The following STK3 variants were observed in gnomAD, a reference collection of about 807,000 sequenced individuals.
STK3 encodes the protein serine/threonine-protein kinase 3.
In STK3, 41 loss-of-function variants were observed where a neutral mutation model predicts 58.0. The observed-to-expected ratio is 0.71, with a 90% CI of 0.55 to 0.92. STK3 has a LOEUF of 0.92. Ranked by LOEUF, STK3 falls within the 40% of genes least tolerant of loss-of-function variation. STK3 has a pLI of 0.00. For missense variants in STK3, 479 were observed against 602.7 expected, an observed-to-expected ratio of 0.79 and a Z score of 2.15; for synonymous variants, 170 against 191.0, an observed-to-expected ratio of 0.89 and a Z score of 0.91.
chr8:98,542,182 C>T (rs538784322), intron 9 of STK3, among the ~76,000 whole-genome samples: 1 of 152,106 alleles, frequency 6.6e-6, no homozygotes, highest in South Asian at 2.1e-4. Context: ...ACAGCTATAA[C>T]CTGAGAAATT....
intron 6 of STK3, among the ~76,000 whole-genome samples, chr8:98,700,085 C>G (rs1057448654): frequency 6.6e-6 from 1 of 152,234 alleles, no homozygotes. Flanking sequence ...GCCCCTCCCC[C>G]AGCCTCGCTG....
intron 8 of STK3, among the ~76,000 whole-genome samples, chr8:98,552,230 CCTA>C (rs914605634): frequency 6.6e-6 from 1 of 152,100 alleles, no homozygotes; most frequent in African/African-American, 2.4e-5. Flanking sequence ...ATGAAAATAG[CCTA>C]CTGACTGTTC....
intron 3 of STK3, among the ~76,000 whole-genome samples, chr8:98,407,824 C>A (rs147035128): frequency 7.4e-4 from 113 of 152,020 alleles, no homozygotes; most frequent in Non-Finnish European, 1.4e-3. Flanking sequence ...GAGGGAAAAG[C>A]TTTATGCTGT....
intron 7 of STK3, among the ~76,000 whole-genome samples, chr8:98,581,933 C>T (rs560533393): frequency 4.6e-5 from 7 of 152,128 alleles, no homozygotes; most frequent in South Asian, 4.1e-4. Flanking sequence ...ATCTGTCCAG[C>T]GGCAGAAATG....
chr8:98,609,699 G>A (rs547299071), intron 6 of STK3, among the ~76,000 whole-genome samples: 2 of 152,230 alleles, frequency 1.3e-5, no homozygotes, highest in South Asian at 4.1e-4. Context: ...TGGTGGTTCC[G>A]CCTGTAATCC....
chr8:98,652,160 C>G (rs931439774), intron 6 of STK3, among the ~76,000 whole-genome samples: 3 of 152,312 alleles, frequency 2.0e-5, no homozygotes, highest in East Asian at 3.9e-4. Context: ...AGCCAGAAGA[C>G]AGTGGGGGCC....
At chr8:98,754,684 A>G (rs969070883) in intron 3 of STK3, among the ~76,000 whole-genome samples, 30 of 152,040 alleles carry the variant, frequency 2.0e-4, no homozygotes, top group African/African-American at 6.8e-4. Flanking sequence ...TAATTTTTGT[A>G]GTTTTGGTAG....
chr8:98,427,250 C>A (rs1259288025), intron 3 of STK3: 1 of 151,304 alleles, frequency 6.6e-6, no homozygotes, highest in African/African-American at 2.4e-5. Context: ...CGCCAGCAGG[C>A]AGCGGCCACC....
At chr8:98,522,277 A>C (rs986270774) in intron 10 of STK3, among the ~76,000 whole-genome samples, 1 of 152,184 alleles carries the variant, frequency 6.6e-6, no homozygotes, top group Non-Finnish European at 1.5e-5. Context: ...CAAAATCATT[A>C]ATGAACTCTG....
chr8:98,609,494 T>C (rs1025580522), intron 6 of STK3, among the ~76,000 whole-genome samples: 2 of 152,200 alleles, frequency 1.3e-5, no homozygotes, highest in African/African-American at 4.8e-5. Context: ...AACATTTACA[T>C]ATAAAAAGAA....
At chr8:98,587,361 T>C (rs1814728931) in intron 7 of STK3, among the ~76,000 whole-genome samples, 1 of 152,070 alleles carries the variant, frequency 6.6e-6, no homozygotes, top group East Asian at 1.9e-4. Flanking sequence ...ATGTACCCAG[T>C]AGTCATTCAG....
At chr8:98,835,296 A>G (rs935913379) in intron 3 of STK3, among the ~76,000 whole-genome samples, 2 of 152,180 alleles carry the variant, frequency 1.3e-5, no homozygotes, top group African/African-American at 4.8e-5. Flanking sequence ...AAATAGAGCT[A>G]GGTCCTTTAA....
At chr8:98,650,414 C>T (rs547614490) in intron 6 of STK3, among the ~76,000 whole-genome samples, 1 of 152,362 alleles carries the variant, frequency 6.6e-6, no homozygotes, top group African/African-American at 2.4e-5. Flanking sequence ...GTGAGCGACA[C>T]AGAAGATGGG....
chr8:98,728,014 T>C (rs933693203), intron 4 of STK3, among the ~76,000 whole-genome samples: 1 of 152,222 alleles, frequency 6.6e-6, no homozygotes, highest in African/African-American at 2.4e-5. Context: ...TAAGATTTTA[T>C]CTGATCATTC....
chr8:98,695,643 G>T (rs944462932), intron 6 of STK3, among the ~76,000 whole-genome samples: 3 of 152,146 alleles, frequency 2.0e-5, no homozygotes, highest in Non-Finnish European at 4.4e-5. Flanking sequence ...GTTTCTCAAA[G>T]ATCAGATAGT....
intron 4 of STK3, among the ~76,000 whole-genome samples, chr8:98,712,231 G>A (rs1826527349): frequency 6.6e-6 from 1 of 152,112 alleles, no homozygotes; most frequent in Non-Finnish European, 1.5e-5. Context: ...CAACTAACGA[G>A]CAAAATAACC....
chr8:98,783,278 G>GA lies in STK3; in HGVS notation c.27-8460dup, dbSNP rs543675661. 5.2e-4 allele frequency among the ~76,000 whole-genome samples: 79 copies of GA among 152,194 alleles called. 1 individual carries two copies. The East Asian group carries it at 0.014, about 27-fold the overall frequency. ...TTATGTGTACAATAGCATTATGTCTGAAAAAACAACGTACATACCTTAATA... is the reference window on the plus strand; with the variant it reads ...TTATGTGTACAATAGCATTATGTCTGAAAAAAACAACGTACATACCTTAATA... On this transcript the variant is annotated intron_variant, in intron 1 of 10. Coordinates refer to ENST00000419617, the MANE Select transcript of STK3 (RefSeq NM_006281.4).
chr8:98,821,608 GC>G (rs1157958885), intron 1 of STK3, among the ~76,000 whole-genome samples: 1 of 150,154 alleles, frequency 6.7e-6, no homozygotes, highest in African/African-American at 2.5e-5. Context: ...GCTGCAGTGA[GC>G]CATGATTGTG....
intron 9 of STK3, among the ~76,000 whole-genome samples, chr8:98,546,830 A>G (rs893711300): frequency 6.6e-6 from 1 of 152,174 alleles, no homozygotes; most frequent in African/African-American, 2.4e-5. Flanking sequence ...GGATTATGGC[A>G]ATATAGCAAT....
Sources: allele counts gnomAD v4.1 joint callset (sites outside exome capture counted in the v4.1 genomes callset), GRCh38; gene constraint gnomAD v4.1.1; transcripts MANE v1.5; gene names NCBI Gene and HGNC (gene_info 2026-07-23, HGNC 2026-07-21).